Variants in BCAS3 observed in about 807,000 individuals in gnomAD.
BCAS3 encodes BCAS3 microtubule associated cell migration factor.
A neutral mutation model predicts 116.1 loss-of-function variants in BCAS3; 53 were observed. The observed-to-expected ratio is 0.46, with a 90% CI of 0.37 to 0.57. The LOEUF is 0.57. Ranked by LOEUF, BCAS3 falls within the 20% of genes least tolerant of loss-of-function variation. The pLI is 0.00. For missense variants in BCAS3, 917 were observed against 1,165.4 expected, an observed-to-expected ratio of 0.79 and a Z score of 3.10; for synonymous variants, 391 against 408.2, an observed-to-expected ratio of 0.96 and a Z score of 0.51.
At chr17:60,799,517 A>ATTT in intron 6 of BCAS3, among the ~76,000 whole-genome samples, 1 of 125,962 alleles carries the variant, frequency 7.9e-6, no homozygotes, top group African/African-American at 3.9e-5. Context: ...TTTTGAGATT[A>ATTT]GTGTTTGTTT....
chr17:61,160,575 T>G (rs1262276934), intron 22 of BCAS3, among the ~76,000 whole-genome samples: 2 of 152,186 alleles, frequency 1.3e-5, no homozygotes, highest in African/African-American at 2.4e-5. Flanking sequence ...ACACCATTTG[T>G]TTTTTCTAAA....
At chr17:60,820,442 C>T (rs1206977395) in intron 7 of BCAS3, among the ~76,000 whole-genome samples, 2 of 152,094 alleles carry the variant, frequency 1.3e-5, no homozygotes, top group African/African-American at 2.4e-5. Context: ...CCCACTGATG[C>T]AATTCATAGG....
At chr17:60,816,067 G>A (rs937475965) in intron 7 of BCAS3, among the ~76,000 whole-genome samples, 1 of 151,994 alleles carries the variant, frequency 6.6e-6, no homozygotes, top group Non-Finnish European at 1.5e-5. Flanking sequence ...GTAGCCAGTT[G>A]GGTACAAAAC....
intron 7 of BCAS3, among the ~76,000 whole-genome samples, chr17:60,816,122 G>T (rs895899524): frequency 6.6e-6 from 1 of 152,120 alleles, no homozygotes; most frequent in African/African-American, 2.4e-5. Flanking sequence ...TGTCCAGGTT[G>T]CTCTCCAGCT....
chr17:60,829,507 AAGT>A (rs1395116053), intron 7 of BCAS3, among the ~76,000 whole-genome samples: 2 of 151,774 alleles, frequency 1.3e-5, no homozygotes, highest in Admixed American at 6.6e-5. Flanking sequence ...AAAAAAAAAA[AAGT>A]AGAGAAGGTA....
intron 7 of BCAS3, among the ~76,000 whole-genome samples, chr17:60,856,654 G>A (rs983054610): frequency 6.6e-5 from 10 of 151,868 alleles, no homozygotes; most frequent in Non-Finnish European, 1.0e-4. Flanking sequence ...TCCAGCTACC[G>A]CACTCCAGCC....
intron 15 of BCAS3, among the ~76,000 whole-genome samples, chr17:60,991,212 G>A (rs2063504308): frequency 6.6e-6 from 1 of 152,148 alleles, no homozygotes; most frequent in East Asian, 1.9e-4. Context: ...TGTAGAGTAT[G>A]TATATTTTGA....
intron 5 of BCAS3, among the ~76,000 whole-genome samples, chr17:60,718,018 C>T (rs917921268): frequency 7.2e-5 from 11 of 152,164 alleles, no homozygotes; most frequent in South Asian, 2.1e-4. Flanking sequence ...ACTTCACATG[C>T]GCGGTTCACG....
chr17:60,741,738 A>G (rs1568145272), intron 5 of BCAS3, among the ~76,000 whole-genome samples: 5 of 152,338 alleles, frequency 3.3e-5, no homozygotes, highest in Admixed American at 2.6e-4. Context: ...TGGAGCAGAT[A>G]GAACTCTTGT....
intron 22 of BCAS3, among the ~76,000 whole-genome samples, chr17:61,328,851 T>TTCTG (rs2055953520): frequency 6.6e-6 from 1 of 151,810 alleles, no homozygotes; most frequent in African/African-American, 2.4e-5. Context: ...GCCATCGTCT[T>TTCTG]TCTGTGCCTT....
chr17:60,900,628 G>A (rs998532199), intron 10 of BCAS3, among the ~76,000 whole-genome samples: 6 of 152,104 alleles, frequency 3.9e-5, no homozygotes, highest in Non-Finnish European at 7.4e-5. Flanking sequence ...AGGTGAGCAT[G>A]AAATGGTGTT....
At chr17:60,876,456 C>A (rs1283433313) in intron 9 of BCAS3, among the ~76,000 whole-genome samples, 1 of 151,948 alleles carries the variant, frequency 6.6e-6, no homozygotes, top group Non-Finnish European at 1.5e-5. Flanking sequence ...TTTCTTGACC[C>A]CTTTAGCTTA....
intron 12 of BCAS3, among the ~76,000 whole-genome samples, chr17:60,921,612 CAAAAAAA>C (rs755864096): frequency 1.2e-4 from 4 of 33,326 alleles, no homozygotes; most frequent in Admixed American, 2.7e-4. Flanking sequence ...GACTCCGTCT[CAAAAAAA>C]AAAAAAAAAA....
At chr17:60,951,450 G>A (rs1443379439) in intron 14 of BCAS3, among the ~76,000 whole-genome samples, 1 of 152,050 alleles carries the variant, frequency 6.6e-6, no homozygotes, top group Non-Finnish European at 1.5e-5. Flanking sequence ...AAACATCAAA[G>A]TTACCTGACC....
rs562620901 is a variant in BCAS3, at chr17:60,979,387, C to T, written c.1222-10584C>T. On this transcript the variant is annotated intron_variant, in intron 14 of 23. Coordinates refer to ENST00000407086, the MANE Select transcript of BCAS3 (RefSeq NM_017679.5). ...AGACTTTGCTGAAGTTGCTTATCAG[C>T]TTAAGGAGATTTTGGGCTGAGACAA... Among the ~76,000 whole-genome samples, 27 of 149,132 alleles carry T rather than the reference C, an allele frequency of 1.8e-4. No homozygotes were observed. In the East Asian group the frequency reaches 4.7e-3, roughly 26 times the overall value.
intron 14 of BCAS3, 39 bp downstream of exon 14, chr17:60,947,391 T>C: frequency 6.3e-7 from 1 of 1,582,404 alleles, no homozygotes; most frequent in Admixed American, 1.7e-5. Flanking sequence ...TTTCTTGGTG[T>C]AATATGACAT....
At chr17:61,135,702 T>G (rs2076588322) in intron 22 of BCAS3, among the ~76,000 whole-genome samples, 1 of 152,174 alleles carries the variant, frequency 6.6e-6, no homozygotes, top group African/African-American at 2.4e-5. Context: ...AAAAGAAGAT[T>G]TTATGAAACC....
intron 15 of BCAS3, among the ~76,000 whole-genome samples, chr17:61,006,519 T>C (rs1412719355): frequency 6.6e-6 from 1 of 152,114 alleles, no homozygotes; most frequent in Non-Finnish European, 1.5e-5. Flanking sequence ...ACTCTGTTGA[T>C]ATACAAAATT....
intron 7 of BCAS3, among the ~76,000 whole-genome samples, chr17:60,839,420 C>G (rs946404366): frequency 2.0e-5 from 3 of 152,004 alleles, no homozygotes; most frequent in Non-Finnish European, 4.4e-5. Flanking sequence ...ATATTACCTC[C>G]TGTTTTTGTG....
Sources: allele counts gnomAD v4.1 joint callset (sites outside exome capture counted in the v4.1 genomes callset), GRCh38; gene constraint gnomAD v4.1.1; transcripts MANE v1.5; gene names NCBI Gene and HGNC (gene_info 2026-07-23, HGNC 2026-07-21).